LRFN2: variants seen among roughly 807,000 people sequenced by gnomAD.
LRFN2 encodes the protein leucine rich repeat and fibronectin type III domain containing 2.
In LRFN2, 18 loss-of-function variants were observed where a neutral mutation model predicts 37.3. The ratio of observed to expected loss-of-function variants is 0.48; its 90% CI spans 0.33 to 0.72. The LOEUF (loss-of-function observed/expected upper bound fraction) is 0.72, where lower values mean the gene tolerates loss of function less well. Ranked by LOEUF, LRFN2 falls within the 30% of genes least tolerant of loss-of-function variation. LRFN2 has a pLI of 0.02. For missense variants in LRFN2, 1,006 were observed against 1,060.7 expected, an observed-to-expected ratio of 0.95 and a Z score of 0.72; for synonymous variants, 556 against 466.6, an observed-to-expected ratio of 1.19 and a Z score of -2.47.
intron 1 of LRFN2, among the ~76,000 whole-genome samples, chr6:40,524,686 G>A (rs774693745): frequency 3.3e-5 from 5 of 152,174 alleles, no homozygotes; most frequent in Non-Finnish European, 5.9e-5. Context: ...AAAGGAACTT[G>A]GGGGGCCAAA....
chr6:40,584,327 A>C (rs1031228247), intron 1 of LRFN2, among the ~76,000 whole-genome samples: 5 of 152,210 alleles, frequency 3.3e-5, no homozygotes, highest in African/African-American at 1.2e-4. Flanking sequence ...TTATTTTACC[A>C]GGTCAAAACA....
At chr6:40,420,738 A>G (rs1763209564) in intron 2 of LRFN2, among the ~76,000 whole-genome samples, 1 of 152,246 alleles carries the variant, frequency 6.6e-6, no homozygotes, top group Admixed American at 6.5e-5. Context: ...GCTAGCAGCA[A>G]AAGTCAGTGG....
chr6:40,416,610 C>T (rs1415962842), intron 2 of LRFN2, among the ~76,000 whole-genome samples: 1 of 152,148 alleles, frequency 6.6e-6, no homozygotes, highest in East Asian at 1.9e-4. Flanking sequence ...AGCAACTGGA[C>T]TGGTCCCAGG....
intron 1 of LRFN2, among the ~76,000 whole-genome samples, chr6:40,485,415 G>T (rs1488177018): frequency 4.2e-4 from 64 of 152,350 alleles, no homozygotes; most frequent in Non-Finnish European, 8.8e-5. Context: ...TTATGGGGGT[G>T]AGAGGATGCT....
chr6:40,545,765 G>C (rs1391416245), intron 1 of LRFN2, among the ~76,000 whole-genome samples: 1 of 152,172 alleles, frequency 6.6e-6, no homozygotes, highest in African/African-American at 2.4e-5. Flanking sequence ...GAGGAGGAAT[G>C]AAGCCAGGGC....
At chr6:40,512,130 T>C (rs904871114) in intron 1 of LRFN2, among the ~76,000 whole-genome samples, 1 of 152,042 alleles carries the variant, frequency 6.6e-6, no homozygotes, top group Non-Finnish European at 1.5e-5. Context: ...CTGACCATAG[T>C]CTCCAACCCC....
chr6:40,548,563 G>A (rs1174266997), intron 1 of LRFN2, among the ~76,000 whole-genome samples: 1 of 152,194 alleles, frequency 6.6e-6, no homozygotes, highest in Non-Finnish European at 1.5e-5. Context: ...TACATCAGGA[G>A]TATGTACAGC....
chr6:40,558,579 G>A (rs1192097832), intron 1 of LRFN2, among the ~76,000 whole-genome samples: 3 of 152,014 alleles, frequency 2.0e-5, no homozygotes, highest in African/African-American at 7.3e-5. Context: ...GATGTCCTCA[G>A]TTAGGTGGAG....
chr6:40,537,428 C>T (rs781084430), intron 1 of LRFN2, among the ~76,000 whole-genome samples: 31 of 152,202 alleles, frequency 2.0e-4, no homozygotes, highest in Non-Finnish European at 4.3e-4. Flanking sequence ...CAACCATAAC[C>T]AGCACCAGCC....
rs201774201 is a variant in LRFN2 at position 40,391,984 on chromosome 6, T to C, written c.2329A>G (p.Thr777Ala). Residue 777 changes from threonine to alanine, a missense_variant, in exon 3 of 3, where the codon ACT (threonine) becomes GCT (alanine). Around this residue, in one of 4 missense-constraint regions of LRFN2, gnomAD observed 398 missense variants for 327.6 expected, o/e 1.21. Transcript: ENST00000338305. ...EESDLVGARG[T>A]FGSSEWVMES... ...ATCACCCATTCGGAGCTGCCAAAAG[T>C]CCCCCGGGCCCCCACCAGGTCACTC... The C allele has an allele frequency of 2.5e-4, 396 of 1,597,554 alleles. 4 individuals are homozygous for C. The South Asian group carries it at 2.9e-3, about 12-fold the overall frequency.
intron 1 of LRFN2, among the ~76,000 whole-genome samples, chr6:40,522,180 A>T (rs1398972220): frequency 6.6e-6 from 1 of 152,198 alleles, no homozygotes; most frequent in Non-Finnish European, 1.5e-5. Context: ...AGTGCAGGGC[A>T]AAACATGGAA....
rs1329874711 is a variant in LRFN2, at chr6:40,392,345, C to T, written c.1968G>A (p.Leu656=). The T allele has an allele frequency of 1.2e-6, 2 of 1,609,844 alleles. No individual in the cohort carries two copies. Among genetic ancestry groups the T allele is most frequent in the South Asian group, 1.1e-5 (1 of 90,252 alleles). Residue 656 remains leucine (L), a synonymous_variant, in exon 3 of 3, where the codon CTG becomes CTA. Coordinates refer to ENST00000338305, the MANE Select transcript of LRFN2 (RefSeq NM_020737.3). The surrounding 1 kb of genome is among the most constrained non-coding windows in gnomAD (Gnocchi z 4.7). ...APRPKPSLDR[L]MGAFASLDLK... ...GGTCCAGGGAGGCGAAGGCCCCCATCAGGCGGTCAAGGCTGGGCTTGGGGC... is the reference window on the plus strand; with the variant it reads ...GGTCCAGGGAGGCGAAGGCCCCCATTAGGCGGTCAAGGCTGGGCTTGGGGC...
intron 1 of LRFN2, among the ~76,000 whole-genome samples, chr6:40,467,573 G>C (rs1016422765): frequency 9.9e-5 from 15 of 152,168 alleles, no homozygotes; most frequent in Admixed American, 9.2e-4. Flanking sequence ...CTTTACAGGT[G>C]AGCTATCTGC....
At chr6:40,504,665 T>C (rs1765482134) in intron 1 of LRFN2, among the ~76,000 whole-genome samples, 1 of 152,128 alleles carries the variant, frequency 6.6e-6, no homozygotes, top group South Asian at 2.1e-4. Flanking sequence ...TTGAAGGGCT[T>C]GAACCTGAAG....
chr6:40,529,345 C>A (rs1581780287), intron 1 of LRFN2, among the ~76,000 whole-genome samples: 1 of 152,262 alleles, frequency 6.6e-6, no homozygotes, highest in Non-Finnish European at 1.5e-5. Flanking sequence ...GGTTCAGGGT[C>A]AGTTTCATGG....
chr6:40,404,159 C>T (rs1384642589), intron 2 of LRFN2, among the ~76,000 whole-genome samples: 5 of 152,192 alleles, frequency 3.3e-5, no homozygotes, highest in African/African-American at 1.2e-4. Flanking sequence ...CTCCATTTTT[C>T]CCCAATGCAT....
chr6:40,432,037 G>A lies in LRFN2; in HGVS notation c.1077C>T (p.Cys359=), dbSNP rs1259115029. Residue 359 remains cysteine, a synonymous_variant, in exon 2 of 3, where the codon TGC becomes TGT. Coordinates refer to ENST00000338305, the MANE Select transcript of LRFN2 (RefSeq NM_020737.3). ...TTSQDSGAFT[C]IAANAAGEAT... ...CCTCTCCGGCAGCATTGGCAGCAAT[G>A]CAGGTGAAGGCACCACTGTCCTGAG... is the stretch of plus-strand genomic sequence containing the variant. 1 of 1,614,040 alleles carries A rather than the reference G, an allele frequency of 6.2e-7. No homozygotes were observed. Among genetic ancestry groups the A allele is most frequent in the Non-Finnish European group, 8.5e-7 (1 of 1,180,020 alleles).
At chr6:40,560,432 C>T (rs1766971053) in intron 1 of LRFN2, among the ~76,000 whole-genome samples, 2 of 152,194 alleles carry the variant, frequency 1.3e-5, no homozygotes, top group Admixed American at 1.3e-4. Flanking sequence ...ATGGACCGCA[C>T]CATCATGGGG....
intron 2 of LRFN2, among the ~76,000 whole-genome samples, chr6:40,428,422 C>A (rs555413010): frequency 6.6e-6 from 1 of 152,306 alleles, no homozygotes; most frequent in East Asian, 1.9e-4. Flanking sequence ...CTTTTATATA[C>A]CTTCCTGTTA....
Sources: gnomAD v4.1 joint callset for allele counts (sites outside exome capture counted in the v4.1 genomes callset) on GRCh38, gnomAD v4.1.1 for gene constraint, gnomAD v4.1.1 regional missense constraint, Gnocchi (gnomAD v3.1) non-coding constraint, MANE v1.5 for transcripts, NCBI Gene and HGNC (gene_info 2026-07-23, HGNC 2026-07-21) for gene names.